Variants in UGT1A6 observed in about 807,000 individuals in gnomAD.
UGT1A6 encodes UDP-glucuronosyltransferase 1A6.
UGT1A6 carries 32 observed loss-of-function variants against 44.4 expected under a neutral mutation model. The ratio of observed to expected loss-of-function variants is 0.72; its 90% CI spans 0.54 to 0.97. The LOEUF is 0.97. Among genes scored for constraint, UGT1A6 ranks in the 50% least tolerant of loss-of-function variants. The pLI, the probability that UGT1A6 is intolerant of heterozygous loss-of-function variation, is 0.00. For synonymous variants in UGT1A6, 238 were observed against 248.5 expected, an observed-to-expected ratio of 0.96 and a Z score of 0.40; for missense variants, 685 against 661.9, an observed-to-expected ratio of 1.03 and a Z score of -0.38.
At chr2:233,725,101 C>G (rs1177502962) in intron 1 of UGT1A6, among the ~76,000 whole-genome samples, 4 of 143,214 alleles carry the variant, frequency 2.8e-5, no homozygotes, top group African/African-American at 1.1e-4. Context: ...GCAGGAGAAT[C>G]AGGCAGGGAG....
intron 1 of UGT1A6, among the ~76,000 whole-genome samples, chr2:233,697,628 C>T (rs1228817319): frequency 2.0e-5 from 3 of 150,138 alleles, no homozygotes; most frequent in Non-Finnish European, 4.4e-5. Context: ...GTTTGGTTTA[C>T]TTTTGCTTTT....
At chr2:233,762,713 C>T (rs1377918494) in intron 1 of UGT1A6, among the ~76,000 whole-genome samples, 1 of 150,748 alleles carries the variant, frequency 6.6e-6, no homozygotes, top group South Asian at 2.1e-4. Context: ...AAGTATTTTA[C>T]ACGGTTTTTT....
intron 1 of UGT1A6, among the ~76,000 whole-genome samples, chr2:233,723,358 C>T (rs1313054035): frequency 2.4e-4 from 30 of 124,194 alleles, no homozygotes; most frequent in African/African-American, 9.2e-4. Flanking sequence ...TACAGGCACA[C>T]GTCACCACAC....
chr2:233,746,487 A>G (rs758052145), intron 1 of UGT1A6, among the ~76,000 whole-genome samples: 10 of 151,792 alleles, frequency 6.6e-5, no homozygotes, highest in Middle Eastern at 3.2e-3. Context: ...TTCCATGGAC[A>G]TGTCACTCTT....
At position 233,734,054 on chromosome 2, in the gene UGT1A6, T is replaced by C. The variant is rs2078472293; in HGVS notation, c.862-32980T>C. Among the ~76,000 whole-genome samples the C allele has an allele frequency of 9.9e-5, 15 of 152,222 alleles. No homozygotes were observed. The South Asian group carries it at 3.1e-3, about 32-fold the overall frequency. The stretch of plus-strand genomic sequence containing the variant: ...CACACCAACATGGCACATGTATACA[T>C]ATGTAACAAACCTGCACATTGTGCA... On this transcript the variant is annotated intron_variant, in intron 1 of 4. Transcript: ENST00000305139.
At position 233,704,041 on chromosome 2, in the gene UGT1A6, C is replaced by A. The variant is rs141937060; in HGVS notation, c.861+10176C>A. On this transcript the variant is annotated intron_variant, in intron 1 of 4. Coordinates refer to ENST00000305139, the MANE Select transcript of UGT1A6 (RefSeq NM_001072.4). ...GAGCAGCTGGAACTACAGGTGTGCA[C>A]CAACATGCCTGGCTAATTTTTGTAT... Among the ~76,000 whole-genome samples, 1,273 of 152,104 alleles carry A rather than the reference C, an allele frequency of 8.4e-3. 25 individuals are homozygous for A. Among genetic ancestry groups the A allele is most frequent in the African/African-American group, 0.029 (1,206 of 41,484 alleles).
chr2:233,744,000 G>T, intron 1 of UGT1A6: 1 of 1,221,194 alleles, frequency 8.2e-7, no homozygotes, highest in South Asian at 1.4e-5. Flanking sequence ...CGAGTGCTCG[G>T]AGACCTGGGC....
intron 1 of UGT1A6, chr2:233,754,930 G>A (rs1387383656): frequency 5.9e-6 from 8 of 1,344,668 alleles, no homozygotes; most frequent in Non-Finnish European, 8.0e-6. Flanking sequence ...TTTCCCAAGA[G>A]GTCAAAGGAG....
chr2:233,709,006 A>G (rs2076051981), intron 1 of UGT1A6, among the ~76,000 whole-genome samples: 1 of 152,104 alleles, frequency 6.6e-6, no homozygotes, highest in African/African-American at 2.4e-5. Flanking sequence ...TCTCAGTGTC[A>G]TAATACCCAA....
chr2:233,760,198 T>A (rs907119126), intron 1 of UGT1A6: 1 of 1,579,636 alleles, frequency 6.3e-7, no homozygotes, highest in South Asian at 1.1e-5. Context: ...CGTGACACAG[T>A]CAAACATTAA....
rs8330 is a variant in UGT1A6 at position 233,772,999 on chromosome 2, G to C, written c.*440G>C. ...ATAATGGTCAGTCCTCATCTCTGTC[G>C]TGCTTCATAGGTGCCACCTTGTGTG... On this transcript the variant is annotated 3_prime_UTR_variant, in exon 5 of 5. Transcript: ENST00000305139. 179,059 of 238,554 alleles carry C rather than the reference G, an allele frequency of 0.75. 68,191 individuals carry two copies. Among genetic ancestry groups the C allele is most frequent in the East Asian group, 0.88 (8,737 of 9,894 alleles). The allele number at this position is 238,554 out of a possible 1,614,324, so 14.8% of individuals were successfully genotyped here.
chr2:233,697,132 GTA>G (rs1456349990), intron 1 of UGT1A6, among the ~76,000 whole-genome samples: 3 of 151,950 alleles, frequency 2.0e-5, no homozygotes, highest in African/African-American at 7.3e-5. Flanking sequence ...TCATTTTTCT[GTA>G]ATAGTTTGAG....
At chr2:233,753,022 A>G (rs1695114886) in intron 1 of UGT1A6, among the ~76,000 whole-genome samples, 1 of 152,162 alleles carries the variant, frequency 6.6e-6, no homozygotes, top group South Asian at 2.1e-4. Context: ...GTGATTTACA[A>G]CACAAAAAAC....
intron 1 of UGT1A6, among the ~76,000 whole-genome samples, chr2:233,705,164 G>T (rs1459236514): frequency 1.3e-5 from 2 of 151,464 alleles, no homozygotes; most frequent in South Asian, 2.1e-4. Flanking sequence ...GAGAGAGAGA[G>T]AATAAAGGGG....
At chr2:233,724,057 G>C (rs1302014170) in intron 1 of UGT1A6, among the ~76,000 whole-genome samples, 9 of 86,764 alleles carry the variant, frequency 1.0e-4, no homozygotes, top group Non-Finnish European at 1.5e-4. Flanking sequence ...ACACCTCCCA[G>C]ACGGGGTGGT....
chr2:233,750,657 G>A (rs1694532021), intron 1 of UGT1A6: 1 of 143,480 alleles, frequency 7.0e-6, no homozygotes, highest in Admixed American at 6.7e-5. Flanking sequence ...TCAGGACTTG[G>A]TGCCCTGTGT....
chr2:233,694,603 G>C (rs192830777), intron 1 of UGT1A6, among the ~76,000 whole-genome samples: 4 of 152,306 alleles, frequency 2.6e-5, no homozygotes. Context: ...AAGGGCTTCA[G>C]GCAACTCCCT....
At chr2:233,699,830 A>G (rs549503068) in intron 1 of UGT1A6, among the ~76,000 whole-genome samples, 1 of 152,280 alleles carries the variant, frequency 6.6e-6, no homozygotes, top group Non-Finnish European at 1.5e-5. Context: ...TCTCAAATAG[A>G]ACTAATTTTT....
At chr2:233,706,986 A>C (rs936707267) in intron 1 of UGT1A6, among the ~76,000 whole-genome samples, 2 of 152,186 alleles carry the variant, frequency 1.3e-5, no homozygotes, top group Non-Finnish European at 2.9e-5. Context: ...ACAGATAGGC[A>C]GTAAGAATCA....
Sources: gnomAD v4.1 joint callset for allele counts (sites outside exome capture counted in the v4.1 genomes callset) on GRCh38, gnomAD v4.1.1 for gene constraint, MANE v1.5 for transcripts, NCBI Gene and HGNC (gene_info 2026-07-23, HGNC 2026-07-21) for gene names.